TTC3: variants seen among roughly 807,000 people sequenced by gnomAD.
TTC3 encodes the protein E3 ubiquitin-protein ligase TTC3.
In TTC3, 180 loss-of-function variants were observed where a neutral mutation model predicts 249.6. The ratio of observed to expected loss-of-function variants is 0.72; its 90% CI spans 0.64 to 0.82. The LOEUF (loss-of-function observed/expected upper bound fraction) is 0.82, where lower values mean the gene tolerates loss of function less well. Ranked by LOEUF, TTC3 falls within the 40% of genes least tolerant of loss-of-function variation. The pLI, the probability that TTC3 is intolerant of heterozygous loss-of-function variation, is 0.00. For synonymous variants in TTC3, 717 were observed against 805.0 expected (o/e 0.89, Z 1.85); for missense variants, 2,061 against 2,398.4 (o/e 0.86, Z 2.94).
intron 7 of TTC3, 62 bp from the exon 8 acceptor site, chr21:37,093,943 T>C: frequency 3.8e-6 from 4 of 1,056,736 alleles, no homozygotes; most frequent in Non-Finnish European, 5.8e-6. Context: ...ATATTATCAA[T>C]ACCAATTTGT....
intron 20 of TTC3, among the ~76,000 whole-genome samples, chr21:37,141,426 A>G (rs1306367053): frequency 6.7e-6 from 1 of 148,640 alleles, no homozygotes; most frequent in Non-Finnish European, 1.5e-5. Flanking sequence ...CCCCCCAGCC[A>G]TCTTAGAATG....
In TTC3 at chr21:37,087,360, AAT is replaced by A; in HGVS notation, c.104_105del (p.Asn35ArgfsTer11). On this transcript the variant is annotated frameshift_variant, in exon 2 of 46. Transcript: ENST00000355666. LOFTEE classifies it high-confidence loss of function. ...TGTCTTTGCTGCTGAATTTATGAGCAATGATTATGTTCGTGTGACTCAGCTTT... is the reference window on the plus strand; with the variant it reads ...TGTCTTTGCTGCTGAATTTATGAGCAGATTATGTTCGTGTGACTCAGCTTT... The A allele has an allele frequency of 6.2e-7, 1 of 1,613,978 alleles. No homozygotes were observed. Among genetic ancestry groups the A allele is most frequent in the Non-Finnish European group, 8.5e-7 (1 of 1,179,892 alleles).
At chr21:37,133,657 C>T (rs192953856) in intron 17 of TTC3, among the ~76,000 whole-genome samples, 6 of 152,254 alleles carry the variant, frequency 3.9e-5, no homozygotes, top group Admixed American at 2.6e-4. Context: ...ATGATTTCGG[C>T]CTGCTCTGCT....
intron 10 of TTC3, chr21:37,098,123 A>G (rs2074126412): frequency 2.0e-6 from 1 of 494,116 alleles, no homozygotes; most frequent in East Asian, 3.3e-5. Context: ...ACTGTCCTCA[A>G]CGGGTTCTGA....
exon 31 of TTC3, chr21:37,162,020 G>C (rs778794976): frequency 6.3e-7 from 1 of 1,591,308 alleles, no homozygotes; most frequent in Non-Finnish European, 8.6e-7. Context: ...AACAACTTCA[G>C]TAACTTCAAA....
At chr21:37,148,426 A>G in intron 22 of TTC3, 120 bp from the exon 23 acceptor site, 3 of 503,712 alleles carry the variant, frequency 6.0e-6, no homozygotes, top group East Asian at 3.2e-5. Flanking sequence ...GAATGATGCA[A>G]CTTTATGCTG....
At chr21:37,152,468 G>A (rs1407312589) in intron 26 of TTC3, among the ~76,000 whole-genome samples, 1 of 148,440 alleles carries the variant, frequency 6.7e-6, no homozygotes, top group Non-Finnish European at 1.5e-5. Context: ...CTCACTGCAA[G>A]CTCCGCCTCC....
At chr21:37,122,763 G>A (rs1232374585) in intron 12 of TTC3, among the ~76,000 whole-genome samples, 1 of 152,116 alleles carries the variant, frequency 6.6e-6, no homozygotes, top group East Asian at 1.9e-4. Flanking sequence ...TCTTGTCAAT[G>A]ATCACATGTG....
At chr21:37,148,629 T>C in exon 23 of TTC3, 1 of 1,596,526 alleles carries the variant, frequency 6.3e-7, no homozygotes. Flanking sequence ...CTACAACCTT[T>C]AATGATAAAA....
At chr21:37,152,588 G>A (rs11702332) in intron 26 of TTC3, among the ~76,000 whole-genome samples, 18,757 of 151,830 alleles carry the variant, frequency 0.12, 1,321 homozygotes, top group Admixed American at 0.16. Flanking sequence ...GGGTTTCACC[G>A]TGTTAGCCAG....
chr21:37,083,500 G>C, intron 1 of TTC3: 6 of 669,758 alleles, frequency 9.0e-6, no homozygotes, highest in Non-Finnish European at 9.2e-6. Flanking sequence ...TGGGCATGAA[G>C]AAGTATATGT....
At chr21:37,183,391 G>C (rs2082934641) in intron 36 of TTC3, among the ~76,000 whole-genome samples, 1 of 152,084 alleles carries the variant, frequency 6.6e-6, no homozygotes, top group Admixed American at 6.5e-5. Context: ...TTGTCAGGTG[G>C]GCCAAGAGTG....
At chr21:37,109,198 G>A (rs2075368076) in intron 11 of TTC3, among the ~76,000 whole-genome samples, 1 of 152,182 alleles carries the variant, frequency 6.6e-6, no homozygotes, top group South Asian at 2.1e-4. Flanking sequence ...TCACTGGGGA[G>A]TGCTGGACAG....
chr21:37,076,495 G>C (rs953564568), intron 1 of TTC3, among the ~76,000 whole-genome samples: 1 of 152,100 alleles, frequency 6.6e-6, no homozygotes, highest in Admixed American at 6.6e-5. Flanking sequence ...TGATGTTAAT[G>C]AATCAGTTTC....
chr21:37,117,827 C>T (rs1184524450), intron 11 of TTC3, among the ~76,000 whole-genome samples: 26 of 133,814 alleles, frequency 1.9e-4, no homozygotes, highest in African/African-American at 6.1e-4. Context: ...GCTATGATTG[C>T]GCCACTTCAA....
At chr21:37,164,713 T>G (rs1053603191) in intron 32 of TTC3, among the ~76,000 whole-genome samples, 2 of 152,166 alleles carry the variant, frequency 1.3e-5, no homozygotes, top group Admixed American at 6.5e-5. Context: ...AAGTCGATAC[T>G]GAGTGGGGTG....
intron 39 of TTC3, among the ~76,000 whole-genome samples, chr21:37,189,431 A>G (rs573664248): frequency 6.6e-5 from 10 of 151,976 alleles, no homozygotes; most frequent in Admixed American, 2.0e-4. Context: ...TTTGTAGTAG[A>G]TATGGGGTTT....
intron 16 of TTC3, among the ~76,000 whole-genome samples, chr21:37,130,804 C>A (rs1405816928): frequency 1.3e-5 from 2 of 151,926 alleles, no homozygotes; most frequent in African/African-American, 4.8e-5. Context: ...TTTCTTCTTC[C>A]TTTGAGAGGG....
chr21:37,156,857 C>T, exon 28 of TTC3: 1 of 1,614,024 alleles, frequency 6.2e-7, no homozygotes, highest in Non-Finnish European at 8.5e-7. Context: ...AACACAGAGA[C>T]AAGTTCCCAG....
Sources: allele counts gnomAD v4.1 joint callset (sites outside exome capture counted in the v4.1 genomes callset), GRCh38; gene constraint gnomAD v4.1.1; transcripts MANE v1.5; gene names NCBI Gene and HGNC (gene_info 2026-07-23, HGNC 2026-07-21).